SLC8A3: variants seen among roughly 807,000 people sequenced by gnomAD.
SLC8A3 encodes solute carrier family 8 member A3, also known as sodium/calcium exchanger 3.
Under a neutral mutation model 65.4 loss-of-function variants are expected in SLC8A3, and 37 were observed. That is an observed-to-expected ratio of 0.57 (90% CI 0.44 to 0.74). The LOEUF is 0.74. SLC8A3 is among the 30% of genes least tolerant of loss of function. The pLI is 0.00. For synonymous variants in SLC8A3, 461 were observed against 444.5 expected, an observed-to-expected ratio of 1.04 and a Z score of -0.47; for missense variants, 1,112 against 1,172.1, an observed-to-expected ratio of 0.95 and a Z score of 0.75.
At chr14:70,050,744 T>C (rs1887399482) in intron 5 of SLC8A3, among the ~76,000 whole-genome samples, 1 of 152,210 alleles carries the variant, frequency 6.6e-6, no homozygotes, top group Admixed American at 6.5e-5. Context: ...AAGGTAGCAA[T>C]AGTTCCCCTT....
chr14:70,122,456 C>G (rs1251793681), intron 2 of SLC8A3, among the ~76,000 whole-genome samples: 1 of 152,054 alleles, frequency 6.6e-6, no homozygotes, highest in East Asian at 1.9e-4. Flanking sequence ...GTCAGACAGA[C>G]TTGGCCTGGC....
At chr14:70,184,134 C>T (rs575171983) in intron 1 of SLC8A3, among the ~76,000 whole-genome samples, 1 of 152,260 alleles carries the variant, frequency 6.6e-6, no homozygotes, top group South Asian at 2.1e-4. Context: ...TAGTCGCTAC[C>T]CATGAGAGTC....
At position 70,092,918 on chromosome 14, in the gene SLC8A3, A is replaced by G. The variant is rs893172310; in HGVS notation, c.1785-31979T>C. Among the ~76,000 whole-genome samples the G allele has an allele frequency of 5.3e-5, 8 of 152,228 alleles. 1 individual carries two copies. The highest frequency in any genetic ancestry group is 6.5e-5 in the Admixed American group (1 of 15,288). Reference sequence around the variant, plus strand: ...TTGCAACCAAAGAATCCTCTAAAATAATATGGACCATCTTATTCATGTCTC... The same window carrying G: ...TTGCAACCAAAGAATCCTCTAAAATGATATGGACCATCTTATTCATGTCTC... On this transcript the variant is annotated intron_variant, in intron 2 of 6. Transcript: ENST00000356921.
intron 2 of SLC8A3, among the ~76,000 whole-genome samples, chr14:70,161,508 T>C (rs945243716): frequency 6.6e-6 from 1 of 152,158 alleles, no homozygotes; most frequent in Non-Finnish European, 1.5e-5. Flanking sequence ...GAAGCCACAG[T>C]TGTAGTGGCT....
chr14:70,064,212 G>A (rs78104487), intron 2 of SLC8A3, among the ~76,000 whole-genome samples: 3,046 of 152,264 alleles, frequency 0.02, 38 homozygotes, highest in Non-Finnish European at 0.032. Flanking sequence ...ATCCTGGATA[G>A]GCTGTGTAAT....
intron 3 of SLC8A3, 113 bp downstream of exon 3, chr14:70,060,723 G>A: frequency 1.3e-6 from 1 of 774,598 alleles, no homozygotes; most frequent in Non-Finnish European, 2.4e-6. Context: ...GAGAAGGGAA[G>A]AAAAGGAGGG....
intron 3 of SLC8A3, among the ~76,000 whole-genome samples, chr14:70,055,590 G>A (rs1426616323): frequency 6.6e-6 from 1 of 152,186 alleles, no homozygotes; most frequent in African/African-American, 2.4e-5. Context: ...CCAGACAGAA[G>A]TGATGCTCAA....
At chr14:70,182,408 G>A (rs1882830038) in intron 1 of SLC8A3, among the ~76,000 whole-genome samples, 1 of 152,132 alleles carries the variant, frequency 6.6e-6, no homozygotes, top group Middle Eastern at 3.2e-3. Context: ...ATGGAGAAAG[G>A]AAAAATTGGG....
At chr14:70,149,982 C>G (rs1271683755) in intron 2 of SLC8A3, among the ~76,000 whole-genome samples, 1 of 152,180 alleles carries the variant, frequency 6.6e-6, no homozygotes, top group Non-Finnish European at 1.5e-5. Context: ...CTACCTTCCT[C>G]CAGACAGTAC....
chr14:70,061,568 AAGAGAGAG>A (rs3052680), intron 2 of SLC8A3, among the ~76,000 whole-genome samples: 3 of 150,026 alleles, frequency 2.0e-5, no homozygotes, highest in Non-Finnish European at 4.5e-5. Flanking sequence ...GAGAAAGAGA[AAGAGAGAG>A]AGAGAGAGAA....
intron 3 of SLC8A3, among the ~76,000 whole-genome samples, chr14:70,058,156 T>A (rs116502470): frequency 1.3e-4 from 20 of 152,368 alleles, no homozygotes; most frequent in African/African-American, 4.6e-4. Context: ...TCTCTCATTT[T>A]TTTAATGCAA....
At chr14:70,059,365 G>A (rs1357887077) in intron 3 of SLC8A3, 1 of 152,212 alleles carries the variant, frequency 6.6e-6, no homozygotes, top group African/African-American at 2.4e-5. Context: ...ACTAATTGCA[G>A]TATGATCACC....
At chr14:70,170,008 A>C (rs778516247) in intron 1 of SLC8A3, among the ~76,000 whole-genome samples, 2 of 152,032 alleles carry the variant, frequency 1.3e-5, no homozygotes, top group African/African-American at 2.4e-5. Flanking sequence ...TTACCTCATG[A>C]ATCTACTTCA....
At chr14:70,081,919 C>T (rs1231244984) in intron 2 of SLC8A3, among the ~76,000 whole-genome samples, 1 of 152,158 alleles carries the variant, frequency 6.6e-6, no homozygotes, top group Non-Finnish European at 1.5e-5. Flanking sequence ...TTTTAGTTCT[C>T]CTAAATTCGG....
At chr14:70,120,696 C>G (rs1893996895) in intron 2 of SLC8A3, among the ~76,000 whole-genome samples, 1 of 152,328 alleles carries the variant, frequency 6.6e-6, no homozygotes, top group Non-Finnish European at 1.5e-5. Context: ...CCAAGCCACA[C>G]AATGTCTTGA....
chr14:70,071,735 T>G (rs1188151385), intron 2 of SLC8A3, among the ~76,000 whole-genome samples: 1 of 152,182 alleles, frequency 6.6e-6, no homozygotes, highest in Non-Finnish European at 1.5e-5. Context: ...TGCGAGATAA[T>G]AAATGGGTAT....
intron 2 of SLC8A3, among the ~76,000 whole-genome samples, chr14:70,128,116 T>C (rs1894597027): frequency 6.6e-6 from 1 of 152,208 alleles, no homozygotes; most frequent in Admixed American, 6.5e-5. Context: ...ATCCTATACA[T>C]CCTGTTATGA....
At chr14:70,125,940 A>G (rs1894417085) in intron 2 of SLC8A3, among the ~76,000 whole-genome samples, 1 of 152,210 alleles carries the variant, frequency 6.6e-6, no homozygotes, top group African/African-American at 2.4e-5. Context: ...GAATAGCTGT[A>G]TGATCATGAA....
At position 70,114,816 on chromosome 14, in the gene SLC8A3, A is replaced by G. The variant is rs187431080; in HGVS notation, c.1784+51823T>C. On this transcript the variant is annotated intron_variant, in intron 2 of 6. Coordinates refer to ENST00000356921, the MANE Select transcript of SLC8A3 (RefSeq NM_182932.3). ...TCTGCAGAGGCTCTGAGGAGACTCA[A>G]ATGTGCAGGTTCCTCCTCTCCTGAG... 4.6e-5 allele frequency among the ~76,000 whole-genome samples: 7 copies of G among 152,302 alleles called. No homozygotes were observed. In the East Asian group the frequency reaches 9.7e-4, roughly 21 times the overall value.
Sources: allele counts gnomAD v4.1 joint callset (sites outside exome capture counted in the v4.1 genomes callset), GRCh38; gene constraint gnomAD v4.1.1; transcripts MANE v1.5; gene names NCBI Gene and HGNC (gene_info 2026-07-23, HGNC 2026-07-21).